The following STAB2 variants were observed in gnomAD, a reference collection of about 807,000 sequenced individuals.
STAB2 encodes stabilin 2.
STAB2 carries 288 observed loss-of-function variants against 338.1 expected under a neutral mutation model. The ratio of observed to expected loss-of-function variants is 0.85; its 90% CI spans 0.77 to 0.94. The LOEUF (loss-of-function observed/expected upper bound fraction) is 0.94. Ranked by LOEUF, STAB2 falls within the 40% of genes least tolerant of loss-of-function variation. The pLI is 0.00. For missense variants in STAB2, 3,141 were observed against 3,210.1 expected (o/e 0.98, Z 0.52); for synonymous variants, 1,202 against 1,193.3 (o/e 1.01, Z -0.15).
intron 3 of STAB2, among the ~76,000 whole-genome samples, chr12:103,606,985 A>C (rs1957038690): frequency 6.6e-6 from 1 of 152,180 alleles, no homozygotes; most frequent in Non-Finnish European, 1.5e-5. Flanking sequence ...CTCTGTCTCA[A>C]AAACAAAACA....
rs1593295655 is a variant in STAB2 at position 103,731,602 on chromosome 12, C to T, written c.5250C>T (p.Asn1750=). The change falls in exon 50 of 69, where the codon AAC becomes AAT. Residue 1750 remains asparagine, a synonymous_variant. Transcript: ENST00000388887. Reference sequence around the variant, plus strand: ...AAAATCTTACGACTTTGGCAACAAACAATGGCTACATCAAATTTAGCAACT... The same window carrying T: ...AAAATCTTACGACTTTGGCAACAAATAATGGCTACATCAAATTTAGCAACT... ...ILQNLTTLAT[N]NGYIKFSNLI... 6.2e-7 allele frequency: 1 copy of T among 1,613,884 alleles called. No individual in the cohort carries two copies. Among genetic ancestry groups the T allele is most frequent in the Non-Finnish European group, 8.5e-7 (1 of 1,179,948 alleles).
chr12:103,638,065 G>C lies in STAB2; in HGVS notation c.759G>C (p.Thr253=). 1 of 1,614,120 alleles carries C rather than the reference G, an allele frequency of 6.2e-7. No individual in the cohort carries two copies. The highest frequency in any genetic ancestry group is 8.5e-7 in the Non-Finnish European group (1 of 1,180,022). Residue 253 remains threonine (T), a synonymous_variant, in exon 8 of 69, where the codon ACG becomes ACC. Coordinates refer to ENST00000388887, the MANE Select transcript of STAB2 (RefSeq NM_017564.10). ...TCTGCCACCCTCATGCTCATTGTAC[G>C]TACCTGGGACCAAATCGGCACAGTT... is the stretch of plus-strand genomic sequence containing the variant. ...RKICHPHAHC[T]YLGPNRHSCT...
In STAB2 at chr12:103,766,275, C is replaced by G. The variant is rs1305342486; in HGVS notation, c.7606-11C>G. ...GAATGCCCTGCCCCCTTACAACCCT[C>G]TCTTTTCCAGGACTCTGAAGAACGG... On this transcript the variant is annotated splice_polypyrimidine_tract_variant and intron_variant, in intron 68 of 68. Transcript: ENST00000388887. 1 of 1,614,072 alleles carries G rather than the reference C, an allele frequency of 6.2e-7. No individual in the cohort carries two copies. Among genetic ancestry groups the G allele is most frequent in the South Asian group, 1.1e-5 (1 of 91,084 alleles).
chr12:103,706,228 G>A (rs985861584), intron 37 of STAB2, among the ~76,000 whole-genome samples: 2 of 152,058 alleles, frequency 1.3e-5, no homozygotes, highest in Non-Finnish European at 1.5e-5. Context: ...GGGGTGATCT[G>A]GCCCTTAGGC....
chr12:103,763,782 C>T, intron 68 of STAB2, 174 bp downstream of exon 68: 1 of 586,290 alleles, frequency 1.7e-6, no homozygotes, highest in East Asian at 2.9e-5. Context: ...TGTGGTTGCT[C>T]AGAGTTCCTG....
intron 9 of STAB2, among the ~76,000 whole-genome samples, chr12:103,647,327 A>C (rs1873410278): frequency 1.3e-5 from 2 of 152,170 alleles, no homozygotes; most frequent in Non-Finnish European, 2.9e-5. Flanking sequence ...TGGATTAACC[A>C]TAAAAAAAAA....
At chr12:103,746,371 A>T in intron 57 of STAB2, 2 of 410,602 alleles carry the variant, frequency 4.9e-6, no homozygotes, top group Non-Finnish European at 8.9e-6. Context: ...TCTCATATAA[A>T]TCTCAATGAC....
rs373228838 is a variant in STAB2 at position 103,690,534 on chromosome 12, A to G, written c.3293A>G (p.Asp1098Gly). 1.9e-6 allele frequency: 3 copies of G among 1,613,582 alleles called. No homozygotes were observed. Among genetic ancestry groups the G allele is most frequent in the African/African-American group, 2.7e-5 (2 of 74,910 alleles). Reference protein sequence around the residue: ...QGNFLHLAKVDGNITIEGASI... With the variant: ...QGNFLHLAKVGGNITIEGASI... The stretch of plus-strand genomic sequence containing the variant: ...AACTTCCTTCACTTGGCAAAGGTGG[A>G]TGGGGTAAGAGCTCTGGAATTTGTC... Residue 1098 changes from aspartate to glycine, a missense_variant, in exon 30 of 69, where the codon GAT becomes GGT. Asp to Gly is a moderately conservative substitution (Grantham distance 94, BLOSUM62 -1). Coordinates refer to ENST00000388887, the MANE Select transcript of STAB2 (RefSeq NM_017564.10).
At chr12:103,701,685 A>G (rs1374593744) in intron 34 of STAB2, among the ~76,000 whole-genome samples, 3 of 152,208 alleles carry the variant, frequency 2.0e-5, no homozygotes, top group Non-Finnish European at 4.4e-5. Context: ...GAAATTTATT[A>G]CAATCACCAT....
At chr12:103,696,247 C>A (rs192699471) in intron 33 of STAB2, among the ~76,000 whole-genome samples, 2 of 152,104 alleles carry the variant, frequency 1.3e-5, no homozygotes, top group Admixed American at 1.3e-4. Context: ...TTCTCCAGAG[C>A]AGTGGTGGGA....
chr12:103,596,093 ACT>A (rs1216672363), intron 3 of STAB2, among the ~76,000 whole-genome samples: 1 of 152,104 alleles, frequency 6.6e-6, no homozygotes, highest in South Asian at 2.1e-4. Flanking sequence ...AAAGCAATTA[ACT>A]CTGTTAATCA....
chr12:103,714,779 T>C (rs1880174308), intron 42 of STAB2, among the ~76,000 whole-genome samples: 1 of 152,254 alleles, frequency 6.6e-6, no homozygotes, highest in South Asian at 2.1e-4. Flanking sequence ...CTGTGTATAT[T>C]GTATTCCCTT....
Position 103,678,316 on chromosome 12 carries a change from A to G in STAB2, c.2805+705A>G, listed in dbSNP as rs187766262. 8.3e-4 allele frequency among the ~76,000 whole-genome samples: 127 copies of G among 152,338 alleles called. 4 individuals carry two copies. The East Asian group carries it at 0.022, about 27-fold the overall frequency. On this transcript the variant is annotated intron_variant, in intron 25 of 68. Transcript: ENST00000388887. ...TTTGAGAAATATATTTCTTCCCATG[A>G]TGATGGCTCTGTTTGAGGAAAGCCT...
Position 103,761,414 on chromosome 12 carries a change from A to G in STAB2, c.7359+4A>G. 6.2e-7 allele frequency: 1 copy of G among 1,612,774 alleles called. No homozygotes were observed. Among genetic ancestry groups the G allele is most frequent in the Non-Finnish European group, 8.5e-7 (1 of 1,179,704 alleles). On this transcript the variant is annotated splice_donor_region_variant and intron_variant, in intron 66 of 68. Transcript: ENST00000388887. ...AAAAGCACCCCCTGCCCCCGTGGTG[A>G]GTATCTAGGGTCCCTGATAACGGGC...
At chr12:103,622,263 A>G (rs1307428280) in intron 5 of STAB2, 152 bp downstream of exon 5, 2 of 773,812 alleles carry the variant, frequency 2.6e-6, no homozygotes, top group African/African-American at 3.5e-5. Flanking sequence ...CGGGCAATGA[A>G]CAATTCATGA....
rs199933297 is a variant in STAB2, at chr12:103,667,526, C to CT, written c.2086-1117_2086-1116insT. 6.1e-3 allele frequency among the ~76,000 whole-genome samples: 928 copies of CT among 151,932 alleles called. 8 individuals carry two copies. The highest frequency in any genetic ancestry group is 0.021 in the African/African-American group (883 of 41,398). On this transcript the variant is annotated intron_variant, in intron 19 of 68. Transcript: ENST00000388887. ...ATCACCATTCTATGATTGTCTCAGC[C>CT]CAGGGAAAGAGAAGGAAGAGGGAAA...
intron 3 of STAB2, among the ~76,000 whole-genome samples, chr12:103,610,231 T>C (rs1325911001): frequency 1.3e-5 from 2 of 152,168 alleles, no homozygotes; most frequent in Non-Finnish European, 2.9e-5. Flanking sequence ...TCCCTCTTTT[T>C]CTATTGATTG....
chr12:103,634,993 G>T (rs1458828948), intron 6 of STAB2, among the ~76,000 whole-genome samples: 3 of 152,220 alleles, frequency 2.0e-5, no homozygotes, highest in Non-Finnish European at 4.4e-5. Context: ...GCCACTTTCT[G>T]CCAAAACTTC....
intron 39 of STAB2, among the ~76,000 whole-genome samples, chr12:103,710,370 T>C (rs543623896): frequency 1.3e-5 from 2 of 152,210 alleles, no homozygotes; most frequent in Admixed American, 1.3e-4. Context: ...AAAGGAAAAA[T>C]TGTGGTATGG....
Sources: gnomAD v4.1 joint callset for allele counts (sites outside exome capture counted in the v4.1 genomes callset) on GRCh38, gnomAD v4.1.1 for gene constraint, MANE v1.5 for transcripts, NCBI Gene and HGNC (gene_info 2026-07-23, HGNC 2026-07-21) for gene names.